CACNG4: variants seen among roughly 807,000 people sequenced by gnomAD.
CACNG4 encodes the protein calcium voltage-gated channel auxiliary subunit gamma 4.
CACNG4 carries 8 observed loss-of-function variants against 22.9 expected under a neutral mutation model. The observed-to-expected ratio is 0.35, with a 90% CI of 0.21 to 0.63. The LOEUF is 0.63. Ranked by LOEUF, CACNG4 falls within the 30% of genes least tolerant of loss-of-function variation. CACNG4 has a pLI of 0.72. For missense variants in CACNG4, 357 were observed against 455.4 expected (o/e 0.78, Z 1.97); for synonymous variants, 188 against 191.9 (o/e 0.98, Z 0.17).
intron 1 of CACNG4, among the ~76,000 whole-genome samples, chr17:66,985,619 C>T (rs750076516): frequency 5.3e-5 from 8 of 152,200 alleles, no homozygotes; most frequent in Non-Finnish European, 1.2e-4. Flanking sequence ...CAGAGGCACA[C>T]GTCTTCCTTC....
intron 1 of CACNG4, among the ~76,000 whole-genome samples, chr17:66,980,029 C>A (rs1191139298): frequency 2.0e-5 from 3 of 152,210 alleles, no homozygotes; most frequent in African/African-American, 7.2e-5. Context: ...GCTGGGATTA[C>A]AGGCATGAGC....
intron 3 of CACNG4, among the ~76,000 whole-genome samples, chr17:67,028,024 A>T (rs575328569): frequency 4.6e-5 from 7 of 152,118 alleles, no homozygotes; most frequent in Middle Eastern, 3.4e-3. Flanking sequence ...TGTCTCAAAA[A>T]AAATAAATAA....
At chr17:66,992,795 G>A (rs1376452415) in intron 1 of CACNG4, among the ~76,000 whole-genome samples, 1 of 152,270 alleles carries the variant, frequency 6.6e-6, no homozygotes, top group Non-Finnish European at 1.5e-5. Flanking sequence ...GGCCCTTCCT[G>A]AGTGTCATTT....
At chr17:66,975,226 C>A (rs188783280) in intron 1 of CACNG4, among the ~76,000 whole-genome samples, 1 of 152,308 alleles carries the variant, frequency 6.6e-6, no homozygotes, top group Admixed American at 6.5e-5. Flanking sequence ...TCATCAGTCT[C>A]CCTGGCTCAC....
intron 1 of CACNG4, among the ~76,000 whole-genome samples, chr17:66,989,743 G>A (rs1398960997): frequency 6.6e-6 from 1 of 151,402 alleles, no homozygotes; most frequent in Non-Finnish European, 1.5e-5. Context: ...ACGGTGTGTT[G>A]AGAACTCCCT....
intron 1 of CACNG4, among the ~76,000 whole-genome samples, chr17:66,999,462 G>A (rs757373230): frequency 5.3e-5 from 8 of 152,194 alleles, no homozygotes; most frequent in Non-Finnish European, 1.0e-4. Context: ...AAGGAAAGAG[G>A]CTTAATTAAC....
At chr17:66,990,685 A>ATTTTATTTTAT (rs369531301) in intron 1 of CACNG4, among the ~76,000 whole-genome samples, 1,428 of 140,406 alleles carry the variant, frequency 0.01, 30 homozygotes, top group African/African-American at 0.036. Context: ...ATTTTATTTT[A>ATTTTATTTTAT]TTTATTTATT....
At position 66,984,927 on chromosome 17, in the gene CACNG4, G is replaced by A. The variant is rs111470896; in HGVS notation, c.220+19796G>A. Among the ~76,000 whole-genome samples the A allele has an allele frequency of 3.6e-3, 544 of 152,224 alleles. 3 individuals carry two copies. The highest frequency in any genetic ancestry group is 0.017 in the South Asian group (82 of 4,818). ...AGCCCAGTGTCATTCTGCTCACCTC[G>A]ACCTCATCCTTGGGGAAATGCCCCA... On this transcript the variant is annotated intron_variant, in intron 1 of 3. Coordinates refer to ENST00000262138, the MANE Select transcript of CACNG4 (RefSeq NM_014405.4). The surrounding 1 kb of genome is among the most constrained non-coding windows in gnomAD (Gnocchi z 4.0).
At position 67,015,457 on chromosome 17, in the gene CACNG4, G is replaced by A. The variant is rs147442911; in HGVS notation, c.221-2732G>A. 3.3e-3 allele frequency among the ~76,000 whole-genome samples: 500 copies of A among 152,284 alleles called. 5 individuals are homozygous for A. Among genetic ancestry groups the A allele is most frequent in the African/African-American group, 0.011 (442 of 41,544 alleles). The stretch of plus-strand genomic sequence containing the variant: ...TGACCAAGTGTTCTGTATCCTGACT[G>A]TCAATGTCAGCGTCCTGGTTGTGAT... On this transcript the variant is annotated intron_variant, in intron 1 of 3. Coordinates refer to ENST00000262138, the MANE Select transcript of CACNG4 (RefSeq NM_014405.4).
intron 1 of CACNG4, among the ~76,000 whole-genome samples, chr17:66,990,733 T>C (rs571039154): frequency 2.2e-4 from 33 of 152,252 alleles, no homozygotes; most frequent in African/African-American, 7.7e-4. Flanking sequence ...CAGGCTGGAG[T>C]GCAGTGGTGT....
intron 1 of CACNG4, among the ~76,000 whole-genome samples, chr17:66,983,422 A>T (rs2035288122): frequency 6.6e-6 from 1 of 152,198 alleles, no homozygotes; most frequent in South Asian, 2.1e-4. Context: ...GGCCACAGTG[A>T]AGGCTACCCA....
Position 67,018,181 on chromosome 17 carries a change from C to T in CACNG4, c.221-8C>T. 6.2e-7 allele frequency: 1 copy of T among 1,609,594 alleles called. No individual in the cohort carries two copies. Among genetic ancestry groups the T allele is most frequent in the Non-Finnish European group, 8.5e-7 (1 of 1,175,866 alleles). The stretch of plus-strand genomic sequence containing the variant: ...TTTACAGTGTTCTTTTCCTCTCGTT[C>T]CTTCCAGGGATCTATAAAGGGCACT... On this transcript the variant is annotated splice_region_variant and splice_polypyrimidine_tract_variant and intron_variant, in intron 1 of 3. Coordinates refer to ENST00000262138, the MANE Select transcript of CACNG4 (RefSeq NM_014405.4).
intron 1 of CACNG4, among the ~76,000 whole-genome samples, chr17:66,978,897 C>T (rs2035254270): frequency 6.6e-6 from 1 of 152,250 alleles, no homozygotes; most frequent in African/African-American, 2.4e-5. Flanking sequence ...GCCTGGTGGG[C>T]AGAGTGTCCT....
chr17:67,026,801 G>A (rs1406182996), intron 3 of CACNG4, among the ~76,000 whole-genome samples: 1 of 152,010 alleles, frequency 6.6e-6, no homozygotes, highest in African/African-American at 2.4e-5. Flanking sequence ...GCACATGTGT[G>A]TGTGTTGGGA....
At chr17:66,982,195 C>T (rs530493150) in intron 1 of CACNG4, among the ~76,000 whole-genome samples, 4 of 152,234 alleles carry the variant, frequency 2.6e-5, no homozygotes, top group East Asian at 1.9e-4. Context: ...AGCGGATTGC[C>T]GCTGCTGGCT....
intron 1 of CACNG4, among the ~76,000 whole-genome samples, chr17:67,017,368 C>T (rs2035504588): frequency 6.6e-6 from 1 of 151,994 alleles, no homozygotes; most frequent in Non-Finnish European, 1.5e-5. Flanking sequence ...TGAGCCACTG[C>T]ATCCGGCCAT....
intron 1 of CACNG4, among the ~76,000 whole-genome samples, chr17:67,014,960 G>A (rs55725134): frequency 5.8e-5 from 8 of 138,874 alleles, no homozygotes; most frequent in East Asian, 2.0e-4. Context: ...AAAAAAAAAA[G>A]AAAGAAAGAA....
intron 1 of CACNG4, among the ~76,000 whole-genome samples, 188 bp from the exon 2 acceptor site, chr17:67,018,001 C>T (rs1210775870): frequency 1.3e-5 from 2 of 152,128 alleles, no homozygotes; most frequent in African/African-American, 4.8e-5. Context: ...ATATCTCTCC[C>T]GGTGTAGCCA....
intron 1 of CACNG4, among the ~76,000 whole-genome samples, chr17:67,008,821 T>C (rs1222125724): frequency 6.6e-6 from 1 of 152,124 alleles, no homozygotes; most frequent in African/African-American, 2.4e-5. Context: ...TGGTGGCACA[T>C]GCCTTTAATC....
Sources: allele counts gnomAD v4.1 joint callset (sites outside exome capture counted in the v4.1 genomes callset), GRCh38; gene constraint gnomAD v4.1.1; non-coding constraint Gnocchi (gnomAD v3.1); transcripts MANE v1.5; gene names NCBI Gene and HGNC (gene_info 2026-07-23, HGNC 2026-07-21).